DLST: variants seen among roughly 807,000 people sequenced by gnomAD.
DLST encodes the protein dihydrolipoyllysine-residue succinyltransferase component of 2-oxoglutarate dehydrogenase complex, mitochondrial.
Under a neutral mutation model 53.1 loss-of-function variants are expected in DLST, and 17 were observed. The ratio of observed to expected loss-of-function variants is 0.32; its 90% CI spans 0.22 to 0.48. The LOEUF is 0.48. DLST is among the 20% of genes least tolerant of loss of function. The probability of loss-of-function intolerance (pLI) is 0.99; values close to 1 mark genes in which losing one functional copy is unlikely to be tolerated. For synonymous variants in DLST, 206 were observed against 204.8 expected (o/e 1.01, Z -0.05); for missense variants, 512 against 583.9 (o/e 0.88, Z 1.27).
At chr14:74,896,640 A>G (rs1422909963) in intron 10 of DLST, among the ~76,000 whole-genome samples, 3 of 152,216 alleles carry the variant, frequency 2.0e-5, no homozygotes, top group African/African-American at 7.2e-5. Flanking sequence ...CATTCAAGCC[A>G]AAGATTTCTC....
At chr14:74,886,583 C>T (rs930068883) in intron 3 of DLST, among the ~76,000 whole-genome samples, 1 of 152,184 alleles carries the variant, frequency 6.6e-6, no homozygotes, top group Non-Finnish European at 1.5e-5. Flanking sequence ...ATCCACTTGC[C>T]TTAGCCTCCC....
At chr14:74,882,286 C>T (rs566851262) in intron 1 of DLST, among the ~76,000 whole-genome samples, 55 of 152,290 alleles carry the variant, frequency 3.6e-4, no homozygotes, top group Non-Finnish European at 6.2e-4. Context: ...GAGCCGCGCC[C>T]GTCCAGATAC....
intron 10 of DLST, among the ~76,000 whole-genome samples, chr14:74,896,615 G>A (rs1046547073): frequency 2.6e-5 from 4 of 152,184 alleles, no homozygotes; most frequent in African/African-American, 7.2e-5. Flanking sequence ...GAAACTTTCC[G>A]AAGAGACTGG....
rs1267021167 is a variant in DLST, at chr14:74,882,012, A to G, written c.59A>G (p.Gln20Arg). The G allele has an allele frequency of 3.2e-6, 5 of 1,570,906 alleles. No homozygotes were observed. Among genetic ancestry groups the G allele is most frequent in the Non-Finnish European group, 3.4e-6 (4 of 1,166,678 alleles). ...TTCAGCCGCTCGCTCTCCGCCTTCC[A>G]GAAGGTACGGTCTGGCCGAGCCGGG... The part of the protein sequence containing the change: ...RAFSRSLSAF[Q>R]KGNCPLGRRS... Residue 20 changes from glutamine to arginine, a missense_variant, in exon 1 of 15, where the codon CAG becomes CGG. Physicochemically the swap from Gln to Arg is conservative, Grantham distance 43. Around this residue, in one of 4 missense-constraint regions of DLST, gnomAD observed 129 missense variants for 90.9 expected, o/e 1.42. Coordinates refer to ENST00000334220, the MANE Select transcript of DLST (RefSeq NM_001933.5).
chr14:74,885,840 G>A (rs1221801470), intron 3 of DLST: 1 of 536,054 alleles, frequency 1.9e-6, no homozygotes, highest in African/African-American at 2.0e-5. Flanking sequence ...TTTGGACTGG[G>A]AGTGTGCCCA....
chr14:74,885,125 A>G (rs1883657952), intron 2 of DLST, among the ~76,000 whole-genome samples: 1 of 152,158 alleles, frequency 6.6e-6, no homozygotes, highest in Admixed American at 6.5e-5. Context: ...AAGATTTCCA[A>G]CCCAATCTTT....
At chr14:74,901,888 T>A (rs1342086263) in intron 14 of DLST, among the ~76,000 whole-genome samples, 2 of 151,584 alleles carry the variant, frequency 1.3e-5, no homozygotes, top group Non-Finnish European at 2.9e-5. Flanking sequence ...GAGAAGCAAG[T>A]ACAGGCAGCC....
At chr14:74,891,781 G>A (rs1883916635) in intron 7 of DLST, 9 of 985,198 alleles carry the variant, frequency 9.1e-6, no homozygotes, top group African/African-American at 3.5e-5. Context: ...GTAGACCAAC[G>A]AGTCACAGAA....
intron 6 of DLST, 78 bp from the exon 7 acceptor site, chr14:74,890,976 CTT>C: frequency 6.5e-7 from 1 of 1,531,184 alleles, no homozygotes; most frequent in Non-Finnish European, 8.8e-7. Flanking sequence ...CTGTGCCTGG[CTT>C]CATTGGAGAT....
At position 74,901,058 on chromosome 14, in the gene DLST, GT is replaced by G. The variant is rs1251902184; in HGVS notation, c.1060-3del. ...GCTTGATATTTCAATTATGAAATCT[GT>G]TTTTAGGCCCGAAAGAATGAACTTG... is the stretch of plus-strand genomic sequence containing the variant. On this transcript the variant is annotated splice_polypyrimidine_tract_variant and splice_region_variant and intron_variant, in intron 13 of 14. Coordinates refer to ENST00000334220, the MANE Select transcript of DLST (RefSeq NM_001933.5). The G allele has an allele frequency of 6.2e-7, 1 of 1,613,388 alleles. No homozygotes were observed. The highest frequency in any genetic ancestry group is 1.7e-5 in the Admixed American group (1 of 59,862).
intron 2 of DLST, among the ~76,000 whole-genome samples, chr14:74,884,163 G>C (rs980838550): frequency 3.9e-5 from 6 of 152,236 alleles, no homozygotes; most frequent in Non-Finnish European, 8.8e-5. Flanking sequence ...AAGGTTTTCA[G>C]ACAGGAAAGG....
intron 7 of DLST, chr14:74,891,400 C>T (rs534308555): frequency 8.4e-7 from 1 of 1,184,130 alleles, no homozygotes; most frequent in East Asian, 3.9e-5. Flanking sequence ...ATGGGTGTTT[C>T]TTAGCAGGAG....
At chr14:74,890,030 C>T (rs1300695757) in intron 6 of DLST, 78 bp downstream of exon 6, 1 of 1,268,840 alleles carries the variant, frequency 7.9e-7, no homozygotes, top group African/African-American at 1.5e-5. Flanking sequence ...GGGACTTAAC[C>T]ATTGTTTAGA....
rs769154605 is a variant in DLST, at chr14:74,901,751, C to CT, written c.1228-444dup. Among the ~76,000 whole-genome samples the CT allele has an allele frequency of 3.9e-5, 6 of 152,322 alleles. No homozygotes were observed. The East Asian group carries it at 7.7e-4, about 20-fold the overall frequency. On this transcript the variant is annotated intron_variant, in intron 14 of 14. Transcript: ENST00000334220. ...GTTTAGAATCCTTTTGGGTTACTGACTCCTGTGTGAAACCACAGTCTGTAG... is the reference window on the plus strand; with the variant it reads ...GTTTAGAATCCTTTTGGGTTACTGACTTCCTGTGTGAAACCACAGTCTGTAG...
chr14:74,881,971 CTG>C lies in DLST; in HGVS notation c.24_25del (p.Arg10GlyfsTer34). The C allele has an allele frequency of 6.4e-7, 1 of 1,571,186 alleles. No homozygotes were observed. Among genetic ancestry groups the C allele is most frequent in the Non-Finnish European group, 8.6e-7 (1 of 1,166,364 alleles). ...CCGCCGTGATGCTGTCCCGATCCCGCTGTGTGTCTCGGGCGTTCAGCCGCTCG... is the reference window on the plus strand; with the variant it reads ...CCGCCGTGATGCTGTCCCGATCCCGCTGTGTCTCGGGCGTTCAGCCGCTCG... MLSRSR[C>X]VSRAFSRSLS... On this transcript the variant is annotated frameshift_variant, in exon 1 of 15. Coordinates refer to ENST00000334220, the MANE Select transcript of DLST (RefSeq NM_001933.5). LOFTEE classifies it high-confidence loss of function.
intron 10 of DLST, 110 bp from the exon 11 acceptor site, chr14:74,898,259 G>A: frequency 7.2e-7 from 1 of 1,392,886 alleles, no homozygotes; most frequent in East Asian, 2.3e-5. Context: ...TAAGGTAATG[G>A]TCCAGAGTGA....
At chr14:74,882,797 T>G (rs925752529) in intron 2 of DLST, among the ~76,000 whole-genome samples, 173 bp downstream of exon 2, 5 of 152,214 alleles carry the variant, frequency 3.3e-5, no homozygotes, top group Non-Finnish European at 5.9e-5. Context: ...TAGCTCGTAG[T>G]TGAGTTTCTA....
chr14:74,890,346 G>C (rs1883862562), intron 6 of DLST, among the ~76,000 whole-genome samples: 1 of 152,052 alleles, frequency 6.6e-6, no homozygotes, highest in South Asian at 2.1e-4. Flanking sequence ...TCAAACTCTT[G>C]ACCTCAGGTG....
intron 2 of DLST, among the ~76,000 whole-genome samples, chr14:74,884,588 C>G (rs1175164432): frequency 6.6e-6 from 1 of 151,984 alleles, no homozygotes; most frequent in African/African-American, 2.4e-5. Flanking sequence ...TTTTATAAAC[C>G]CTAAAGCACT....
Sources: gnomAD v4.1 joint callset for allele counts (sites outside exome capture counted in the v4.1 genomes callset) on GRCh38, gnomAD v4.1.1 for gene constraint, gnomAD v4.1.1 regional missense constraint, MANE v1.5 for transcripts, NCBI Gene and HGNC (gene_info 2026-07-23, HGNC 2026-07-21) for gene names.